Variants in PHF21A observed in about 807,000 individuals in gnomAD.
The protein encoded by PHF21A is BHC80a.
A neutral mutation model predicts 82.5 loss-of-function variants in PHF21A; 11 were observed. The ratio of observed to expected loss-of-function variants is 0.13; its 90% confidence interval spans 0.08 to 0.22. The LOEUF (loss-of-function observed/expected upper bound fraction) is 0.22. Ranked by LOEUF, PHF21A falls within the 10% of genes least tolerant of loss-of-function variation. The pLI is 1.00. For synonymous variants in PHF21A, 297 were observed against 302.8 expected (o/e 0.98, Z 0.20); for missense variants, 579 against 837.8 (o/e 0.69, Z 3.81).
chr11:46,072,466 G>C (rs2096666618), intron 6 of PHF21A, among the ~76,000 whole-genome samples: 2 of 152,316 alleles, frequency 1.3e-5, no homozygotes, highest in South Asian at 4.1e-4. Flanking sequence ...CAACAGAATA[G>C]GAGGAACCTG....
intron 6 of PHF21A, among the ~76,000 whole-genome samples, chr11:46,006,348 T>C (rs970386895): frequency 6.6e-5 from 10 of 152,222 alleles, no homozygotes; most frequent in African/African-American, 2.4e-4. Context: ...GTATATACAA[T>C]TAGGGCAAAG....
chr11:46,099,564 C>CACACACACACACA (rs2097061290), intron 1 of PHF21A, among the ~76,000 whole-genome samples: 1 of 61,400 alleles, frequency 1.6e-5, no homozygotes. Flanking sequence ...ACACACACAC[C>CACACACACACACA]CTAAACACAA....
intron 1 of PHF21A, among the ~76,000 whole-genome samples, chr11:46,108,463 C>A (rs192828694): frequency 9.9e-5 from 15 of 151,734 alleles, no homozygotes; most frequent in Middle Eastern, 3.4e-3. Context: ...CCCACATGAG[C>A]CCTATTTTCA....
intron 6 of PHF21A, among the ~76,000 whole-genome samples, chr11:46,035,956 GA>G (rs2095993347): frequency 6.6e-6 from 1 of 152,162 alleles, no homozygotes; most frequent in Non-Finnish European, 1.5e-5. Context: ...TTGCATTTTT[GA>G]AGATTCACTC....
intron 7 of PHF21A, among the ~76,000 whole-genome samples, chr11:45,979,003 T>C (rs1043720276): frequency 6.6e-6 from 1 of 151,944 alleles, no homozygotes; most frequent in Non-Finnish European, 1.5e-5. Context: ...CTATGAATAG[T>C]GCAAATATAG....
rs1356212649 is a variant in PHF21A at position 45,953,553 on chromosome 11, T to C, written c.1069A>G (p.Lys357Glu). ...TGAGGGTTCTCCTCCCGTTTTGGTT[T>C]GGGTGCAGCAGGTGGGGTGATGGTG... ...SRTITPPAAP[K>E]PKREENPQKL... The change falls in exon 11 of 19, where the codon AAA (lysine) becomes GAA (glutamate). Residue 357 changes from lysine (K) to glutamate (E), a missense_variant. This residue lies in a region of PHF21A where 410 missense variants were observed against 642.1 expected (regional missense o/e 0.64). Transcript: ENST00000676320. 1 of 1,613,842 alleles carries C rather than the reference T, an allele frequency of 6.2e-7. No homozygotes were observed. The highest frequency in any genetic ancestry group is 8.5e-7 in the Non-Finnish European group (1 of 1,179,734).
chr11:45,940,357 G>T (rs2090114176), intron 15 of PHF21A, among the ~76,000 whole-genome samples: 1 of 151,982 alleles, frequency 6.6e-6, no homozygotes, highest in Non-Finnish European at 1.5e-5. Flanking sequence ...CACCACGCCT[G>T]ACTAACTTTT....
intron 6 of PHF21A, among the ~76,000 whole-genome samples, chr11:46,035,315 C>T (rs953195655): frequency 3.9e-5 from 6 of 152,168 alleles, no homozygotes; most frequent in African/African-American, 1.2e-4. Flanking sequence ...TATTAAATTC[C>T]AATTCATATG....
chr11:46,110,569 G>GC (rs57904329), intron 1 of PHF21A, among the ~76,000 whole-genome samples: 137,249 of 152,168 alleles, frequency 0.9, 62,063 homozygotes, highest in East Asian at 1. Flanking sequence ...TTCTATATTG[G>GC]CCATTAACAC....
At chr11:46,048,606 C>T (rs1180854038) in intron 6 of PHF21A, among the ~76,000 whole-genome samples, 1 of 151,858 alleles carries the variant, frequency 6.6e-6, no homozygotes, top group African/African-American at 2.4e-5. Context: ...CCCATCTCTA[C>T]TAAAAATACA....
intron 15 of PHF21A, among the ~76,000 whole-genome samples, chr11:45,944,626 C>T (rs1242457929): frequency 6.6e-6 from 1 of 152,208 alleles, no homozygotes; most frequent in Non-Finnish European, 1.5e-5. Context: ...TTCAGGATGC[C>T]ATGTACACTC....
chr11:46,096,314 T>C (rs537491640), intron 1 of PHF21A, among the ~76,000 whole-genome samples: 1 of 151,768 alleles, frequency 6.6e-6, no homozygotes, highest in African/African-American at 2.4e-5. Context: ...CTTGACTCCA[T>C]ATCCTTCTCT....
chr11:46,069,270 C>T (rs1425476636), intron 6 of PHF21A, among the ~76,000 whole-genome samples: 2 of 152,166 alleles, frequency 1.3e-5, no homozygotes, highest in East Asian at 1.9e-4. Context: ...CTCTGATGTA[C>T]ACAAGTGGCA....
chr11:45,970,995 G>C (rs1016028366), intron 8 of PHF21A, 121 bp downstream of exon 8: 2 of 1,202,526 alleles, frequency 1.7e-6, no homozygotes, highest in Admixed American at 5.5e-5. Context: ...AGGGGAATTT[G>C]GTATGCTAGA....
chr11:46,050,463 A>C (rs576377533), intron 6 of PHF21A, among the ~76,000 whole-genome samples: 1 of 152,312 alleles, frequency 6.6e-6, no homozygotes, highest in African/African-American at 2.4e-5. Flanking sequence ...GGCAAATTCC[A>C]TAGCTGCCGA....
chr11:46,096,754 T>A (rs1593174672), intron 1 of PHF21A, among the ~76,000 whole-genome samples: 1 of 152,278 alleles, frequency 6.6e-6, no homozygotes, highest in Middle Eastern at 3.4e-3. Flanking sequence ...TATAGAAGGA[T>A]CTACACACTG....
chr11:46,079,058 T>C (rs1168094377), intron 5 of PHF21A, 76 bp downstream of exon 5: 44 of 853,780 alleles, frequency 5.2e-5, no homozygotes, highest in Non-Finnish European at 7.5e-5. Flanking sequence ...CCATCTATAT[T>C]TAAGTATTTT....
chr11:46,072,025 A>G (rs1233459094), intron 6 of PHF21A, among the ~76,000 whole-genome samples: 1 of 152,232 alleles, frequency 6.6e-6, no homozygotes, highest in Non-Finnish European at 1.5e-5. Context: ...ATTATACTAA[A>G]TATTATACTA....
At chr11:45,957,622 G>A (rs527729242) in intron 10 of PHF21A, among the ~76,000 whole-genome samples, 41 of 151,824 alleles carry the variant, frequency 2.7e-4, no homozygotes, top group African/African-American at 8.9e-4. Flanking sequence ...AAACTTATGC[G>A]ATGCTGTGAA....
Sources: allele counts gnomAD v4.1 joint callset (sites outside exome capture counted in the v4.1 genomes callset), GRCh38; gene constraint gnomAD v4.1.1; regional missense constraint gnomAD v4.1.1; transcripts MANE v1.5; gene names NCBI Gene and HGNC (gene_info 2026-07-23, HGNC 2026-07-21).